The following PLXNA4 variants were observed in gnomAD, a reference collection of about 807,000 sequenced individuals.
PLXNA4 encodes the protein plexin-A4.
A neutral mutation model predicts 191.8 loss-of-function variants in PLXNA4; 44 were observed. The observed-to-expected ratio is 0.23, with a 90% CI of 0.18 to 0.29. The LOEUF (loss-of-function observed/expected upper bound fraction) is 0.29, where lower values mean the gene tolerates loss of function less well. Among genes scored for constraint, PLXNA4 ranks in the 10% least tolerant of loss-of-function variants. PLXNA4 has a pLI of 1.00. For synonymous variants in PLXNA4, 1,082 were observed against 1,009.5 expected (o/e 1.07, Z -1.36); for missense variants, 1,800 against 2,488.8 (o/e 0.72, Z 5.89).
chr7:132,470,320 T>A (rs144464218), intron 3 of PLXNA4, among the ~76,000 whole-genome samples: 2 of 152,312 alleles, frequency 1.3e-5, no homozygotes, highest in Non-Finnish European at 2.9e-5. Flanking sequence ...AGTGCTCTAG[T>A]TGGGAATGAT....
chr7:132,229,384 T>C (rs1201826993), intron 5 of PLXNA4, among the ~76,000 whole-genome samples: 2 of 152,190 alleles, frequency 1.3e-5, no homozygotes, highest in Non-Finnish European at 2.9e-5. Flanking sequence ...TCTCCTGAAA[T>C]GCAGGCATCA....
intron 3 of PLXNA4, among the ~76,000 whole-genome samples, chr7:132,324,774 G>C (rs1448139408): frequency 6.6e-6 from 1 of 152,194 alleles, no homozygotes; most frequent in Non-Finnish European, 1.5e-5. Context: ...CCAGAGTTTA[G>C]CCTAGAAGGA....
chr7:132,213,147 C>A lies in PLXNA4; in HGVS notation c.2098-2004G>T, dbSNP rs558353549. On this transcript the variant is annotated intron_variant, in intron 9 of 31. Transcript: ENST00000321063. Reference sequence around the variant, plus strand: ...TATGCTCAGTGAAATAAGCCAGCCACAAAATGGCAAATACTGCAGGGTTCC... The same window carrying A: ...TATGCTCAGTGAAATAAGCCAGCCAAAAAATGGCAAATACTGCAGGGTTCC... Among the ~76,000 whole-genome samples the A allele has an allele frequency of 7.9e-5, 12 of 152,290 alleles. 1 individual carries two copies. Among genetic ancestry groups the A allele is most frequent in the Middle Eastern group, 3.4e-3 (1 of 294 alleles).
intron 12 of PLXNA4, 96 bp from the exon 13 acceptor site, chr7:132,198,732 G>C: frequency 6.5e-7 from 1 of 1,532,760 alleles, no homozygotes; most frequent in Non-Finnish European, 8.7e-7. Context: ...TGTCTCATCT[G>C]CCCCAGAGTC....
intron 4 of PLXNA4, among the ~76,000 whole-genome samples, chr7:132,270,823 G>T (rs530220243): frequency 1.3e-5 from 2 of 152,198 alleles, no homozygotes; most frequent in Non-Finnish European, 2.9e-5. Context: ...TAGAGTTGCT[G>T]CTCAACCATC....
intron 2 of PLXNA4, among the ~76,000 whole-genome samples, chr7:132,599,716 G>A (rs551389136): frequency 6.6e-6 from 1 of 151,120 alleles, no homozygotes; most frequent in African/African-American, 2.4e-5. Flanking sequence ...GTCAAACACA[G>A]CTATATTGTC....
chr7:132,577,155 C>A (rs1473085965), upstream of PLXNA4: 4 of 146,370 alleles, frequency 2.7e-5, no homozygotes, highest in South Asian at 3.6e-4. Flanking sequence ...GCGGAGAGCT[C>A]GGCCGCGGGC....
intron 25 of PLXNA4, among the ~76,000 whole-genome samples, chr7:132,152,869 A>C (rs1162540960): frequency 1.3e-5 from 2 of 152,174 alleles, no homozygotes; most frequent in Admixed American, 1.3e-4. Flanking sequence ...CCATCTCACA[A>C]GATGCATCTC....
intron 13 of PLXNA4, 94 bp downstream of exon 13, chr7:132,198,391 G>T: frequency 2.0e-6 from 3 of 1,497,044 alleles, no homozygotes; most frequent in Non-Finnish European, 2.7e-6. Context: ...CCCACAACAA[G>T]CTCTGAGAGC....
chr7:132,189,017 AG>A (rs2042066069), intron 14 of PLXNA4, among the ~76,000 whole-genome samples: 1 of 89,630 alleles, frequency 1.1e-5, no homozygotes, highest in African/African-American at 4.6e-5. Flanking sequence ...AGAGAGAGAG[AG>A]AGAGAGAGAG....
chr7:132,383,457 C>T, intron 3 of PLXNA4: 2 of 565,592 alleles, frequency 3.5e-6, no homozygotes, highest in Non-Finnish European at 4.5e-6. Context: ...TAAACCACAC[C>T]TCATCCCATT....
intron 3 of PLXNA4, among the ~76,000 whole-genome samples, chr7:132,306,246 A>C (rs1229309594): frequency 6.6e-6 from 1 of 152,142 alleles, no homozygotes; most frequent in Non-Finnish European, 1.5e-5. Context: ...CAAAATGCAA[A>C]CCAGTCAGTT....
At chr7:132,599,374 T>C (rs1168502432) in intron 2 of PLXNA4, among the ~76,000 whole-genome samples, 1 of 152,262 alleles carries the variant, frequency 6.6e-6, no homozygotes, top group Non-Finnish European at 1.5e-5. Context: ...GCATAGCATG[T>C]GTCTCCATTT....
chr7:132,214,664 C>T (rs1306587490), intron 9 of PLXNA4, among the ~76,000 whole-genome samples: 3 of 152,140 alleles, frequency 2.0e-5, no homozygotes, highest in Non-Finnish European at 2.9e-5. Flanking sequence ...TTTCATGTTC[C>T]TCCAGGATGT....
intron 13 of PLXNA4, among the ~76,000 whole-genome samples, chr7:132,196,309 T>G (rs1797253556): frequency 6.6e-6 from 1 of 152,246 alleles, no homozygotes; most frequent in Non-Finnish European, 1.5e-5. Context: ...ATATCCAGTG[T>G]CAACATTTTG....
intron 4 of PLXNA4, among the ~76,000 whole-genome samples, chr7:132,293,707 T>C (rs917054448): frequency 2.6e-5 from 4 of 152,228 alleles, no homozygotes; most frequent in Non-Finnish European, 5.9e-5. Flanking sequence ...CCAGTTTTTT[T>C]ACACAGTGAT....
chr7:132,198,369 T>A lies in PLXNA4; in HGVS notation c.2738+116A>T, dbSNP rs1203268955. On this transcript the variant is annotated intron_variant, in intron 13 of 31. Coordinates refer to ENST00000321063, the MANE Select transcript of PLXNA4 (RefSeq NM_020911.2). ...TCCAACTCTAAAATATTGGGGTGGT[T>A]CTCCTTTTTCCCCCACAACAAGCTC... is the stretch of plus-strand genomic sequence containing the variant. 3 of 1,419,480 alleles carry A rather than the reference T, an allele frequency of 2.1e-6. No individual in the cohort carries two copies. The African/African-American group carries it at 4.3e-5, about 20-fold the overall frequency. The allele number at this position is 1,419,480 out of a possible 1,614,324, so 87.9% of individuals were successfully genotyped here.
chr7:132,555,926 T>G (rs1312362890), intron 1 of PLXNA4, among the ~76,000 whole-genome samples: 2 of 152,222 alleles, frequency 1.3e-5, no homozygotes, highest in African/African-American at 4.8e-5. Context: ...GTGTCGAATA[T>G]GCATAATTGG....
intron 3 of PLXNA4, among the ~76,000 whole-genome samples, chr7:132,485,206 G>A (rs546758400): frequency 6.6e-6 from 1 of 152,314 alleles, no homozygotes; most frequent in Admixed American, 6.5e-5. Flanking sequence ...CAGACACATG[G>A]ATGCATGTCC....
Sources: allele counts gnomAD v4.1 joint callset (sites outside exome capture counted in the v4.1 genomes callset), GRCh38; gene constraint gnomAD v4.1.1; transcripts MANE v1.5; gene names NCBI Gene and HGNC (gene_info 2026-07-23, HGNC 2026-07-21).